ST6GALNAC3: variants seen among roughly 807,000 people sequenced by gnomAD.
ST6GALNAC3 encodes alpha-N-acetylgalactosaminide alpha-2,6-sialyltransferase 3.
Under a neutral mutation model 32.7 loss-of-function variants are expected in ST6GALNAC3, and 25 were observed. The ratio of observed to expected loss-of-function variants is 0.76; its 90% CI spans 0.56 to 1.07. The LOEUF (loss-of-function observed/expected upper bound fraction) is 1.07, where lower values mean the gene tolerates loss of function less well. Ranked by LOEUF, ST6GALNAC3 falls within the 50% of genes least tolerant of loss-of-function variation. The pLI is 0.00. For synonymous variants in ST6GALNAC3, 129 were observed against 133.1 expected, an observed-to-expected ratio of 0.97 and a Z score of 0.21; for missense variants, 355 against 382.4, an observed-to-expected ratio of 0.93 and a Z score of 0.60.
At chr1:76,460,208 T>C (rs1477679401) in intron 3 of ST6GALNAC3, among the ~76,000 whole-genome samples, 1 of 152,212 alleles carries the variant, frequency 6.6e-6, no homozygotes, top group African/African-American at 2.4e-5. Context: ...ATTGTGGTTT[T>C]TGTTTTCATT....
At chr1:76,302,931 A>G (rs1443725056) in intron 1 of ST6GALNAC3, among the ~76,000 whole-genome samples, 1 of 152,042 alleles carries the variant, frequency 6.6e-6, no homozygotes, top group East Asian at 1.9e-4. Context: ...AAGGGGCTCA[A>G]GGGCCTGGAT....
At chr1:76,310,765 A>C (rs1646747002) in intron 1 of ST6GALNAC3, among the ~76,000 whole-genome samples, 1 of 152,194 alleles carries the variant, frequency 6.6e-6, no homozygotes, top group South Asian at 2.1e-4. Flanking sequence ...TTCGAAGAAG[A>C]ATCAGGGGGC....
chr1:76,361,628 T>G (rs1649945656), intron 2 of ST6GALNAC3, among the ~76,000 whole-genome samples: 1 of 152,170 alleles, frequency 6.6e-6, no homozygotes, highest in Non-Finnish European at 1.5e-5. Context: ...ACTTGAAAAC[T>G]TAAAACTCTT....
chr1:76,405,668 G>T (rs1264761047), intron 2 of ST6GALNAC3, among the ~76,000 whole-genome samples: 1 of 151,692 alleles, frequency 6.6e-6, no homozygotes, highest in East Asian at 1.9e-4. Context: ...TTCTTTTACT[G>T]TATGTGTACC....
chr1:76,403,192 G>A (rs972423176), intron 2 of ST6GALNAC3, among the ~76,000 whole-genome samples: 1 of 152,200 alleles, frequency 6.6e-6, no homozygotes, highest in Non-Finnish European at 1.5e-5. Context: ...ATTCTAGCCA[G>A]AGAATTGATA....
At chr1:76,293,510 A>G (rs1474444185) in intron 1 of ST6GALNAC3, among the ~76,000 whole-genome samples, 3 of 152,212 alleles carry the variant, frequency 2.0e-5, no homozygotes, top group Non-Finnish European at 2.9e-5. Context: ...CAAAGAGCCC[A>G]TGGCCACATT....
At chr1:76,281,209 T>C (rs1267858047) in intron 1 of ST6GALNAC3, among the ~76,000 whole-genome samples, 1 of 152,238 alleles carries the variant, frequency 6.6e-6, no homozygotes, top group Non-Finnish European at 1.5e-5. Flanking sequence ...TGCCCTGAGA[T>C]ATTACCTTGA....
chr1:76,527,291 G>A (rs1662972061), intron 3 of ST6GALNAC3, among the ~76,000 whole-genome samples: 1 of 152,012 alleles, frequency 6.6e-6, no homozygotes, highest in Non-Finnish European at 1.5e-5. Context: ...TGAATCTGAT[G>A]GGTTCTGGTC....
intron 1 of ST6GALNAC3, among the ~76,000 whole-genome samples, chr1:76,255,410 A>G (rs1372209766): frequency 6.6e-6 from 1 of 152,108 alleles, no homozygotes; most frequent in Admixed American, 6.6e-5. Context: ...GTGTTACTAT[A>G]TATGCTGTAG....
Position 76,407,959 on chromosome 1 carries a change from G to A in ST6GALNAC3, c.214-4049G>A, listed in dbSNP as rs1022750236. ...ACAGAGAAAGTTGAGATCAAAAGAC[G>A]TAGTAATAAAGCTAATAAGAAAAAC... On this transcript the variant is annotated intron_variant, in intron 2 of 4. Transcript: ENST00000328299. Among the ~76,000 whole-genome samples, 24 of 152,158 alleles carry A rather than the reference G, an allele frequency of 1.6e-4. 1 individual carries two copies. The highest frequency in any genetic ancestry group is 5.3e-4 in the African/African-American group (22 of 41,542).
rs1654322240 is a variant in ST6GALNAC3 at position 76,412,432 on chromosome 1, A to G, written c.623+15A>G. On this transcript the variant is annotated intron_variant, in intron 3 of 4. Transcript: ENST00000328299. ...GGGAAGGACAGGTGAGCCCTCTCTG[A>G]AGCAGCTTTATTGTCTTTTATTATC... 1 of 1,572,202 alleles carries G rather than the reference A, an allele frequency of 6.4e-7. No homozygotes were observed. The highest frequency in any genetic ancestry group is 1.9e-5 in the Admixed American group (1 of 51,644).
chr1:76,447,215 A>G (rs73006155), intron 3 of ST6GALNAC3, among the ~76,000 whole-genome samples: 17,210 of 152,206 alleles, frequency 0.11, 2,315 homozygotes, highest in African/African-American at 0.33. Flanking sequence ...CTCTTGTTAC[A>G]TTTTAGCAAA....
At chr1:76,296,210 A>G (rs1392817966) in intron 1 of ST6GALNAC3, among the ~76,000 whole-genome samples, 1 of 152,094 alleles carries the variant, frequency 6.6e-6, no homozygotes, top group Non-Finnish European at 1.5e-5. Context: ...TAGTCTCCAG[A>G]GGGGAGGAAG....
At chr1:76,382,516 A>G (rs908023658) in intron 2 of ST6GALNAC3, among the ~76,000 whole-genome samples, 1 of 152,214 alleles carries the variant, frequency 6.6e-6, no homozygotes, top group African/African-American at 2.4e-5. Flanking sequence ...GTTTATAAAA[A>G]TAACGGATCA....
At chr1:76,113,417 A>G (rs1648231245) in intron 1 of ST6GALNAC3, among the ~76,000 whole-genome samples, 1 of 152,102 alleles carries the variant, frequency 6.6e-6, no homozygotes, top group African/African-American at 2.4e-5. Context: ...GCAGAACTCC[A>G]TTATGTTTTA....
chr1:76,505,445 G>A (rs529707076), intron 3 of ST6GALNAC3, among the ~76,000 whole-genome samples: 2 of 152,138 alleles, frequency 1.3e-5, no homozygotes, highest in South Asian at 2.1e-4. Context: ...TTAAAATTTG[G>A]GTATATGTCA....
intron 3 of ST6GALNAC3, among the ~76,000 whole-genome samples, chr1:76,535,872 A>C (rs1483901782): frequency 6.6e-6 from 1 of 152,138 alleles, no homozygotes; most frequent in Admixed American, 6.5e-5. Context: ...AAAATCATTA[A>C]ATGGTATTGG....
intron 3 of ST6GALNAC3, among the ~76,000 whole-genome samples, chr1:76,475,769 C>T (rs1659310553): frequency 6.6e-6 from 1 of 152,110 alleles, no homozygotes; most frequent in Non-Finnish European, 1.5e-5. Context: ...GCCACATAGG[C>T]ATACACGTGG....
intron 3 of ST6GALNAC3, among the ~76,000 whole-genome samples, chr1:76,589,967 C>T (rs574364162): frequency 2.6e-5 from 4 of 152,102 alleles, no homozygotes; most frequent in Non-Finnish European, 4.4e-5. Flanking sequence ...TTTTATTCAG[C>T]GTCACCTTCT....
Sources: gnomAD v4.1 joint callset for allele counts (sites outside exome capture counted in the v4.1 genomes callset) on GRCh38, gnomAD v4.1.1 for gene constraint, MANE v1.5 for transcripts, NCBI Gene and HGNC (gene_info 2026-07-23, HGNC 2026-07-21) for gene names.